TNR: variants seen among roughly 807,000 people sequenced by gnomAD.
TNR encodes tenascin-R.
Under a neutral mutation model 150.4 loss-of-function variants are expected in TNR, and 45 were observed. That is an observed-to-expected ratio of 0.30 (90% CI 0.24 to 0.38). The LOEUF (loss-of-function observed/expected upper bound fraction) is 0.38, where lower values mean the gene tolerates loss of function less well. Among genes scored for constraint, TNR ranks in the 10% least tolerant of loss-of-function variants. The pLI is 1.00. For synonymous variants in TNR, 687 were observed against 678.4 expected (o/e 1.01, Z -0.20); for missense variants, 1,544 against 1,759.1 (o/e 0.88, Z 2.19).
chr1:175,453,019 T>C (rs1656395333), intron 2 of TNR, among the ~76,000 whole-genome samples: 3 of 151,928 alleles, frequency 2.0e-5, no homozygotes, highest in African/African-American at 7.3e-5. Flanking sequence ...GGAAAAGTTC[T>C]GGAGACAGAT....
chr1:175,510,578 A>G (rs1659127791), intron 2 of TNR, among the ~76,000 whole-genome samples: 1 of 152,208 alleles, frequency 6.6e-6, no homozygotes, highest in Non-Finnish European at 1.5e-5. Flanking sequence ...TAATAACCAT[A>G]GTCAAATAAT....
At chr1:175,359,583 G>A in intron 15 of TNR, 29 bp downstream of exon 15, 2 of 1,612,580 alleles carry the variant, frequency 1.2e-6, no homozygotes, top group Non-Finnish European at 8.5e-7. Flanking sequence ...ATTCCCACCT[G>A]CCTGATCTGC....
chr1:175,510,099 C>T (rs1659109185), intron 2 of TNR, among the ~76,000 whole-genome samples: 1 of 151,986 alleles, frequency 6.6e-6, no homozygotes, highest in Non-Finnish European at 1.5e-5. Context: ...TGTGGTGGTG[C>T]ATGCCTGTAG....
chr1:175,371,723 A>G (rs1652114588), intron 9 of TNR, among the ~76,000 whole-genome samples: 1 of 152,208 alleles, frequency 6.6e-6, no homozygotes, highest in Non-Finnish European at 1.5e-5. Context: ...ATGAGCAAAC[A>G]GGGGCTCCAA....
At chr1:175,688,349 G>A (rs1355234886) in intron 1 of TNR, among the ~76,000 whole-genome samples, 7 of 152,250 alleles carry the variant, frequency 4.6e-5, no homozygotes, top group Non-Finnish European at 8.8e-5. Context: ...CGGGAAGAAA[G>A]GAGGCAGTGA....
At chr1:175,659,833 T>C (rs1333994270) in intron 1 of TNR, among the ~76,000 whole-genome samples, 1 of 149,988 alleles carries the variant, frequency 6.7e-6, no homozygotes, top group African/African-American at 2.4e-5. Context: ...GTGGCAGGTG[T>C]GGTGGGGAGG....
rs566105784 is a variant in TNR, at chr1:175,591,498, G to A, written c.-164-63129C>T. 4.9e-4 allele frequency among the ~76,000 whole-genome samples: 75 copies of A among 152,278 alleles called. 1 individual carries two copies. Among genetic ancestry groups the A allele is most frequent in the Admixed American group, 4.2e-3 (65 of 15,300 alleles). ...AGATAATCTCTCCCCAACCACTGCC[G>A]GGAGCTATCAATCACCCAGTGCCTA... On this transcript the variant is annotated intron_variant, in intron 1 of 22. Coordinates refer to ENST00000367674, the MANE Select transcript of TNR (RefSeq NM_003285.3).
At chr1:175,731,493 C>T (rs1667640868) in intron 1 of TNR, among the ~76,000 whole-genome samples, 2 of 152,122 alleles carry the variant, frequency 1.3e-5, no homozygotes, top group Non-Finnish European at 2.9e-5. Flanking sequence ...GGGGAATAAA[C>T]ATTTTCAGAG....
At chr1:175,700,951 AT>A (rs1302971953) in intron 1 of TNR, among the ~76,000 whole-genome samples, 1 of 152,158 alleles carries the variant, frequency 6.6e-6, no homozygotes, top group Non-Finnish European at 1.5e-5. Flanking sequence ...TGCCATCCAA[AT>A]AAATACCCAT....
At chr1:175,618,120 C>T (rs112604601) in intron 1 of TNR, among the ~76,000 whole-genome samples, 107 of 152,356 alleles carry the variant, frequency 7.0e-4, no homozygotes, top group African/African-American at 2.5e-3. Context: ...AGGCTCCCTG[C>T]ATTCACCCAA....
chr1:175,666,329 G>A (rs939251059), intron 1 of TNR, among the ~76,000 whole-genome samples: 10 of 152,080 alleles, frequency 6.6e-5, no homozygotes, highest in Non-Finnish European at 1.5e-4. Flanking sequence ...GTATCCTAAG[G>A]AGCAGCTTTC....
intron 1 of TNR, among the ~76,000 whole-genome samples, chr1:175,584,019 A>C (rs12079016): frequency 0.13 from 19,962 of 152,156 alleles, 1,732 homozygotes; most frequent in African/African-American, 0.25. Flanking sequence ...TCTTGACCCT[A>C]TTAGGCTCAA....
intron 1 of TNR, among the ~76,000 whole-genome samples, chr1:175,601,933 C>A (rs1663253349): frequency 6.6e-6 from 1 of 152,100 alleles, no homozygotes; most frequent in Non-Finnish European, 1.5e-5. Flanking sequence ...TAAATGCACA[C>A]AGTAAGGAAG....
intron 2 of TNR, among the ~76,000 whole-genome samples, chr1:175,480,945 G>T (rs1195188051): frequency 6.6e-6 from 1 of 152,080 alleles, no homozygotes; most frequent in Non-Finnish European, 1.5e-5. Flanking sequence ...TTCACCCAAA[G>T]GTTGCCTTTT....
At chr1:175,646,530 T>A (rs753216191) in intron 1 of TNR, among the ~76,000 whole-genome samples, 5 of 152,142 alleles carry the variant, frequency 3.3e-5, no homozygotes, top group Non-Finnish European at 5.9e-5. Context: ...AAATACTCAG[T>A]AGAGAAAGGA....
chr1:175,699,249 T>C (rs1308646973), intron 1 of TNR, among the ~76,000 whole-genome samples: 1 of 151,536 alleles, frequency 6.6e-6, no homozygotes, highest in Non-Finnish European at 1.5e-5. Flanking sequence ...AGAAAAAAAA[T>C]GGTGAAAGGG....
intron 2 of TNR, among the ~76,000 whole-genome samples, chr1:175,470,008 GAGTCAGGATGAC>G (rs2102115744): frequency 6.6e-6 from 1 of 152,242 alleles, no homozygotes; most frequent in South Asian, 2.1e-4. Flanking sequence ...GGCCAGGGAA[GAGTCAGGATGAC>G]AGGGAGATTT....
intron 1 of TNR, among the ~76,000 whole-genome samples, chr1:175,721,526 A>T (rs1348780783): frequency 6.6e-6 from 1 of 151,672 alleles, no homozygotes; most frequent in East Asian, 1.9e-4. Flanking sequence ...CTCCTAACTG[A>T]CTCTCTTGAA....
At chr1:175,455,331 G>A (rs1656523345) in intron 2 of TNR, among the ~76,000 whole-genome samples, 4 of 152,192 alleles carry the variant, frequency 2.6e-5, no homozygotes, top group African/African-American at 9.7e-5. Flanking sequence ...TTGTTACACT[G>A]ATAATCAGAA....
Sources: allele counts gnomAD v4.1 joint callset (sites outside exome capture counted in the v4.1 genomes callset), GRCh38; gene constraint gnomAD v4.1.1; transcripts MANE v1.5; gene names NCBI Gene and HGNC (gene_info 2026-07-23, HGNC 2026-07-21).